Variants in NKAIN2 observed in about 807,000 individuals in gnomAD.
NKAIN2 encodes the protein sodium/potassium transporting ATPase interacting 2.
Under a neutral mutation model 32.6 loss-of-function variants are expected in NKAIN2, and 14 were observed. The ratio of observed to expected loss-of-function variants is 0.43; its 90% CI spans 0.28 to 0.67. The LOEUF is 0.67. NKAIN2 is among the 30% of genes least tolerant of loss of function. NKAIN2 has a pLI of 0.17. For missense variants in NKAIN2, 198 were observed against 258.3 expected (o/e 0.77, Z 1.60); for synonymous variants, 80 against 87.2 (o/e 0.92, Z 0.46).
rs143323903 is a variant in NKAIN2 at position 123,942,271 on chromosome 6, G to A, written c.54+138017G>A. 2.4e-3 allele frequency among the ~76,000 whole-genome samples: 370 copies of A among 151,976 alleles called. 13 individuals carry two copies. In the East Asian group the frequency reaches 0.059, roughly 24 times the overall value. On this transcript the variant is annotated intron_variant, in intron 1 of 6. Transcript: ENST00000368417. ...GTCAGCAGAATAGGAATAATCAAATGAATGACTAATACTAATAGAATAATA... is the reference window on the plus strand; with the variant it reads ...GTCAGCAGAATAGGAATAATCAAATAAATGACTAATACTAATAGAATAATA...
chr6:123,873,473 TG>T (rs1342297140), intron 1 of NKAIN2, among the ~76,000 whole-genome samples: 1 of 152,182 alleles, frequency 6.6e-6, no homozygotes, highest in Non-Finnish European at 1.5e-5. Flanking sequence ...TTAAGAGTCA[TG>T]GGAAGCTATG....
intron 4 of NKAIN2, among the ~76,000 whole-genome samples, chr6:124,780,198 T>G (rs895968167): frequency 1.3e-5 from 2 of 152,062 alleles, no homozygotes; most frequent in African/African-American, 4.8e-5. Flanking sequence ...GGGAGAGTGG[T>G]GAGGATGAAA....
At chr6:124,310,251 GA>G (rs1286306390) in intron 2 of NKAIN2, among the ~76,000 whole-genome samples, 3 of 152,018 alleles carry the variant, frequency 2.0e-5, no homozygotes, top group Non-Finnish European at 4.4e-5. Context: ...CATTTATGTA[GA>G]TTTTTTTTTG....
intron 5 of NKAIN2, among the ~76,000 whole-genome samples, chr6:124,806,648 T>C (rs897681758): frequency 2.6e-5 from 4 of 151,928 alleles, no homozygotes; most frequent in Non-Finnish European, 4.4e-5. Context: ...ATATTAACTT[T>C]AAATGTAAAT....
chr6:124,517,248 G>A (rs1197942072), intron 3 of NKAIN2, among the ~76,000 whole-genome samples: 1 of 152,166 alleles, frequency 6.6e-6, no homozygotes, highest in Non-Finnish European at 1.5e-5. Flanking sequence ...TCGGAAATTA[G>A]AAGTGGTCCT....
At chr6:123,912,518 A>T (rs564627642) in intron 1 of NKAIN2, among the ~76,000 whole-genome samples, 1 of 152,180 alleles carries the variant, frequency 6.6e-6, no homozygotes. Flanking sequence ...GTTCAAATTT[A>T]TCTCTTTTAA....
intron 1 of NKAIN2, among the ~76,000 whole-genome samples, chr6:124,190,662 A>G (rs1366281595): frequency 1.3e-5 from 2 of 152,196 alleles, no homozygotes; most frequent in African/African-American, 4.8e-5. Context: ...ATAAGCATAT[A>G]CGGTAGTAAG....
chr6:123,875,520 A>G (rs1773131673), intron 1 of NKAIN2, among the ~76,000 whole-genome samples: 1 of 152,020 alleles, frequency 6.6e-6, no homozygotes, highest in Non-Finnish European at 1.5e-5. Flanking sequence ...TGGGGTATCT[A>G]TATTTTAATG....
At chr6:124,806,918 C>G (rs1438047321) in intron 5 of NKAIN2, among the ~76,000 whole-genome samples, 1 of 152,140 alleles carries the variant, frequency 6.6e-6, no homozygotes, top group Non-Finnish European at 1.5e-5. Context: ...GTAAGGGGAT[C>G]AATTCAACAA....
At position 124,049,298 on chromosome 6, in the gene NKAIN2, C is replaced by A. The variant is rs928615640; in HGVS notation, c.55-233707C>A. Among the ~76,000 whole-genome samples the A allele has an allele frequency of 2.6e-5, 4 of 151,938 alleles. No homozygotes were observed. In the East Asian group the frequency reaches 7.8e-4, roughly 30 times the overall value. On this transcript the variant is annotated intron_variant, in intron 1 of 6. Coordinates refer to ENST00000368417, the MANE Select transcript of NKAIN2 (RefSeq NM_001040214.3). The stretch of plus-strand genomic sequence containing the variant: ...TATGAAAAGTAGGACTTTATGCATT[C>A]TGGACTGAAAACAATGTATGGAAAC...
chr6:123,986,863 A>G (rs1434170685), intron 1 of NKAIN2, among the ~76,000 whole-genome samples: 1 of 152,188 alleles, frequency 6.6e-6, no homozygotes, highest in Non-Finnish European at 1.5e-5. Flanking sequence ...GAGAGATCTC[A>G]TTCATGGACT....
intron 3 of NKAIN2, among the ~76,000 whole-genome samples, chr6:124,400,572 C>G (rs1045237550): frequency 6.6e-6 from 1 of 152,172 alleles, no homozygotes; most frequent in African/African-American, 2.4e-5. Context: ...GGAGAGAAAA[C>G]TCCCTAATTT....
At chr6:124,772,703 C>A (rs1022387635) in intron 4 of NKAIN2, among the ~76,000 whole-genome samples, 1 of 151,808 alleles carries the variant, frequency 6.6e-6, no homozygotes, top group Non-Finnish European at 1.5e-5. Flanking sequence ...AGTTGTGGAA[C>A]GAATAGAGAA....
At chr6:124,058,229 G>A (rs1322904950) in intron 1 of NKAIN2, among the ~76,000 whole-genome samples, 8 of 144,932 alleles carry the variant, frequency 5.5e-5, no homozygotes, top group African/African-American at 2.0e-4. Flanking sequence ...TTCGGTTTTA[G>A]GCATATAACT....
At chr6:124,770,656 C>T (rs1439582581) in intron 4 of NKAIN2, among the ~76,000 whole-genome samples, 1 of 151,992 alleles carries the variant, frequency 6.6e-6, no homozygotes, top group African/African-American at 2.4e-5. Context: ...TTTTTACTAC[C>T]TGAAATCTGC....
At chr6:124,353,481 G>A (rs879436735) in intron 2 of NKAIN2, among the ~76,000 whole-genome samples, 10 of 152,060 alleles carry the variant, frequency 6.6e-5, no homozygotes, top group Admixed American at 2.6e-4. Context: ...CAGGCCGGGC[G>A]TGGTGGCTCA....
At chr6:124,577,534 T>C (rs1781377136) in intron 3 of NKAIN2, among the ~76,000 whole-genome samples, 1 of 152,092 alleles carries the variant, frequency 6.6e-6, no homozygotes, top group Non-Finnish European at 1.5e-5. Flanking sequence ...AGAAAGAAAT[T>C]GCCCTTCCCA....
intron 1 of NKAIN2, among the ~76,000 whole-genome samples, chr6:124,093,184 G>A: frequency 6.6e-6 from 1 of 152,098 alleles, no homozygotes; most frequent in Non-Finnish European, 1.5e-5. Flanking sequence ...ATATCTATGG[G>A]GAAGACAACC....
At chr6:124,074,379 G>T (rs1783595823) in intron 1 of NKAIN2, among the ~76,000 whole-genome samples, 1 of 152,084 alleles carries the variant, frequency 6.6e-6, no homozygotes, top group Admixed American at 6.5e-5. Flanking sequence ...TATCATTTTG[G>T]GAATGGTGGG....
Sources: gnomAD v4.1 joint callset for allele counts (sites outside exome capture counted in the v4.1 genomes callset) on GRCh38, gnomAD v4.1.1 for gene constraint, MANE v1.5 for transcripts, NCBI Gene and HGNC (gene_info 2026-07-23, HGNC 2026-07-21) for gene names.